The following LIFR variants were observed in gnomAD, a reference collection of about 807,000 sequenced individuals.
LIFR encodes LIF receptor subunit alpha.
A neutral mutation model predicts 122.2 loss-of-function variants in LIFR; 84 were observed. The ratio of observed to expected loss-of-function variants is 0.69; its 90% confidence interval spans 0.58 to 0.82. The LOEUF is 0.82. LIFR is among the 40% of genes least tolerant of loss of function. LIFR has a pLI of 0.00. For missense variants in LIFR, 1,294 were observed against 1,311.6 expected, an observed-to-expected ratio of 0.99 and a Z score of 0.21; for synonymous variants, 422 against 434.7, an observed-to-expected ratio of 0.97 and a Z score of 0.36.
intron 13 of LIFR, among the ~76,000 whole-genome samples, chr5:38,494,453 C>T (rs919787804): frequency 3.0e-5 from 2 of 66,686 alleles, no homozygotes; most frequent in African/African-American, 9.4e-5. Flanking sequence ...CACCAAGGGG[C>T]AAGGGGCAAG....
chr5:38,534,118 T>C (rs1352833069), intron 1 of LIFR, among the ~76,000 whole-genome samples: 1 of 152,136 alleles, frequency 6.6e-6, no homozygotes, highest in Non-Finnish European at 1.5e-5. Flanking sequence ...CACTGCTCAT[T>C]TGTATTCTTC....
At position 38,506,652 on chromosome 5, in the gene LIFR, G is replaced by C. The variant is rs1248395776; in HGVS notation, c.992-20C>G. Reference sequence around the variant, plus strand: ...GTGGATCTAACAGAAAAAAAATGCAGGTACTTATGATTACATATATTTTCC... The same window carrying C: ...GTGGATCTAACAGAAAAAAAATGCACGTACTTATGATTACATATATTTTCC... On this transcript the variant is annotated intron_variant, in intron 7 of 19. Coordinates refer to ENST00000453190, the MANE Select transcript of LIFR (RefSeq NM_001127671.2). 1 of 1,600,898 alleles carries C rather than the reference G, an allele frequency of 6.2e-7. No homozygotes were observed.
At chr5:38,531,626 T>C (rs1371925436) in intron 1 of LIFR, among the ~76,000 whole-genome samples, 1 of 151,826 alleles carries the variant, frequency 6.6e-6, no homozygotes, top group Non-Finnish European at 1.5e-5. Flanking sequence ...TTGTCTGATA[T>C]TAAAATTAAA....
chr5:38,563,443 CT>C (rs1748905127), intron 1 of LIFR, among the ~76,000 whole-genome samples: 2 of 152,124 alleles, frequency 1.3e-5, no homozygotes. Context: ...ATGCTAGGCA[CT>C]TTCTCTGTGT....
intron 1 of LIFR, among the ~76,000 whole-genome samples, chr5:38,568,388 TG>T (rs1749098735): frequency 6.6e-6 from 1 of 152,136 alleles, no homozygotes; most frequent in Non-Finnish European, 1.5e-5. Flanking sequence ...GGCACATGGT[TG>T]GCATGTTCCA....
intron 14 of LIFR, among the ~76,000 whole-genome samples, chr5:38,492,169 G>A (rs1042072250): frequency 5.9e-5 from 9 of 152,264 alleles, no homozygotes; most frequent in Middle Eastern, 3.4e-3. Flanking sequence ...TTTGAACCTG[G>A]GTTCTATCAC....
rs1270994934 is a variant in LIFR at position 38,475,493 on chromosome 5, T to G, written c.*6102A>C. On this transcript the variant is annotated 3_prime_UTR_variant, in exon 20 of 20. Transcript: ENST00000453190. ...AAATGAAAAAGGGAACAGTTTGGGA[T>G]CCGCAGTTTCTCCCTATCTTCTTTC... The G allele has an allele frequency of 1.5e-5, 3 of 195,318 alleles. No individual in the cohort carries two copies. The highest frequency in any genetic ancestry group is 3.2e-5 in the Non-Finnish European group (3 of 93,770). The allele number at this position is 195,318 out of a possible 1,614,324, so 12.1% of individuals were successfully genotyped here.
At chr5:38,558,841 A>T (rs1246566945), upstream of LIFR, 3 of 152,230 alleles carry the variant, frequency 2.0e-5, no homozygotes. Flanking sequence ...TAATCAAGTC[A>T]TTTCTCTCCC....
At chr5:38,524,109 T>A (rs1431946092) in intron 4 of LIFR, among the ~76,000 whole-genome samples, 1 of 151,970 alleles carries the variant, frequency 6.6e-6, no homozygotes, top group East Asian at 1.9e-4. Context: ...CCTAAGAAAA[T>A]AACAAAATAT....
At chr5:38,499,614 A>C in intron 11 of LIFR, 31 bp from the exon 12 acceptor site, 2 of 1,414,156 alleles carry the variant, frequency 1.4e-6, no homozygotes, top group Non-Finnish European at 2.0e-6. Flanking sequence ...TTAATATCTG[A>C]AGACACATAC....
chr5:38,527,423 T>C, intron 3 of LIFR, 129 bp from the exon 4 acceptor site: 3 of 644,064 alleles, frequency 4.7e-6, no homozygotes, highest in Non-Finnish European at 8.2e-6. Flanking sequence ...TGATAGGTTG[T>C]ACCGCATTTT....
chr5:38,569,223 G>A (rs1749126819), intron 1 of LIFR, among the ~76,000 whole-genome samples: 1 of 152,148 alleles, frequency 6.6e-6, no homozygotes, highest in Non-Finnish European at 1.5e-5. Context: ...ATTCTATCTC[G>A]AGTTATACTC....
chr5:38,585,850 T>C (rs1490939496), intron 1 of LIFR, among the ~76,000 whole-genome samples: 1 of 152,126 alleles, frequency 6.6e-6, no homozygotes, highest in African/African-American at 2.4e-5. Context: ...CCTTGCTAGC[T>C]AGGCTATTAT....
At chr5:38,505,830 C>T in intron 9 of LIFR, 75 bp downstream of exon 9, 1 of 925,150 alleles carries the variant, frequency 1.1e-6, no homozygotes, top group Non-Finnish European at 1.7e-6. Flanking sequence ...AAAGTAATCC[C>T]TATAAGCATT....
chr5:38,581,221 GA>G (rs567000338), intron 1 of LIFR, among the ~76,000 whole-genome samples: 3,965 of 145,740 alleles, frequency 0.027, 93 homozygotes, highest in Admixed American at 0.056. Context: ...ATCTTTCTAA[GA>G]AAAAAAAAAA....
chr5:38,564,717 A>ATG (rs1748950309), intron 1 of LIFR, among the ~76,000 whole-genome samples: 1 of 146,478 alleles, frequency 6.8e-6, no homozygotes, highest in South Asian at 2.2e-4. Context: ...TACACACAAT[A>ATG]TATATATACA....
At chr5:38,498,643 T>C (rs1055931693) in intron 12 of LIFR, among the ~76,000 whole-genome samples, 1 of 152,244 alleles carries the variant, frequency 6.6e-6, no homozygotes, top group Non-Finnish European at 1.5e-5. Context: ...TCAATGTTTT[T>C]AGTCTTAAGT....
intron 1 of LIFR, among the ~76,000 whole-genome samples, chr5:38,553,648 A>ATTATATATATATATATATATATATATAT (rs1183040262): frequency 9.8e-6 from 1 of 102,202 alleles, no homozygotes; most frequent in East Asian, 5.1e-4. Flanking sequence ...ATATATATAT[A>ATTATATATATATATATATATATATATAT]TATATATATA....
chr5:38,554,698 A>T (rs1015296773), intron 1 of LIFR, among the ~76,000 whole-genome samples: 5 of 152,198 alleles, frequency 3.3e-5, no homozygotes, highest in Non-Finnish European at 5.9e-5. Flanking sequence ...TTACATGAGC[A>T]TAGGCTATGT....
Sources: allele counts gnomAD v4.1 joint callset (sites outside exome capture counted in the v4.1 genomes callset), GRCh38; gene constraint gnomAD v4.1.1; transcripts MANE v1.5; gene names NCBI Gene and HGNC (gene_info 2026-07-23, HGNC 2026-07-21).